FILIP1L: variants seen among roughly 807,000 people sequenced by gnomAD.
FILIP1L encodes the protein filamin A interacting protein 1 like.
In FILIP1L, 55 loss-of-function variants were observed where a neutral mutation model predicts 96.6. That is an observed-to-expected ratio of 0.57 (90% confidence interval 0.46 to 0.71). The LOEUF is 0.71. FILIP1L is among the 30% of genes least tolerant of loss of function. The pLI is 0.00. For missense variants in FILIP1L, 1,304 were observed against 1,321.2 expected (o/e 0.99, Z 0.20); for synonymous variants, 467 against 473.9 (o/e 0.99, Z 0.19).
At chr3:100,020,030 C>G (rs2064780138) in intron 1 of FILIP1L, among the ~76,000 whole-genome samples, 1 of 152,130 alleles carries the variant, frequency 6.6e-6, no homozygotes, top group African/African-American at 2.4e-5. Flanking sequence ...AGTAATTACC[C>G]TGGGTAGTAG....
intron 1 of FILIP1L, among the ~76,000 whole-genome samples, chr3:100,087,357 A>G (rs893796088): frequency 6.6e-6 from 1 of 152,202 alleles, no homozygotes; most frequent in Non-Finnish European, 1.5e-5. Context: ...CCTCACCAGC[A>G]ATTGGTATTG....
At chr3:100,091,459 G>A (rs2066108314) in intron 1 of FILIP1L, among the ~76,000 whole-genome samples, 2 of 152,186 alleles carry the variant, frequency 1.3e-5, no homozygotes, top group Admixed American at 1.3e-4. Context: ...TAAGAAATTA[G>A]GTAACAAGAG....
At chr3:99,956,548 C>T (rs925252383) in intron 1 of FILIP1L, among the ~76,000 whole-genome samples, 1 of 152,140 alleles carries the variant, frequency 6.6e-6, no homozygotes, top group Admixed American at 6.6e-5. Context: ...GGTTTCACCA[C>T]GTTGGCCAGG....
At chr3:99,898,503 A>C (rs1412605718) in intron 4 of FILIP1L, 1 of 152,374 alleles carries the variant, frequency 6.6e-6, no homozygotes, top group African/African-American at 2.4e-5. Flanking sequence ...GCGTTGGCTC[A>C]TGCCTGTTAT....
chr3:100,109,903 A>ACCGCCCCC (rs1491348077), intron 1 of FILIP1L: 1 of 72,322 alleles, frequency 1.4e-5, no homozygotes, highest in African/African-American at 5.7e-5. Flanking sequence ...TTCTTTTATG[A>ACCGCCCCC]CCCCCCCCCC....
intron 1 of FILIP1L, among the ~76,000 whole-genome samples, chr3:99,991,149 C>T (rs1443082366): frequency 6.6e-6 from 1 of 152,120 alleles, no homozygotes; most frequent in African/African-American, 2.4e-5. Context: ...GAAATATGCC[C>T]ATTCTCATTC....
chr3:100,104,167 C>T (rs1270171192), intron 1 of FILIP1L, among the ~76,000 whole-genome samples: 1 of 152,152 alleles, frequency 6.6e-6, no homozygotes, highest in African/African-American at 2.4e-5. Flanking sequence ...CTCTCACCCC[C>T]ACCCCCATTG....
intron 4 of FILIP1L, among the ~76,000 whole-genome samples, chr3:99,875,782 A>G (rs1366175401): frequency 1.3e-5 from 2 of 152,340 alleles, no homozygotes; most frequent in East Asian, 3.9e-4. Flanking sequence ...CAATATGGGC[A>G]GGATTCAATG....
chr3:100,095,844 C>T (rs374017558), intron 1 of FILIP1L, among the ~76,000 whole-genome samples: 1 of 152,020 alleles, frequency 6.6e-6, no homozygotes. Context: ...ACCCACAGAA[C>T]GGGAGAAAAT....
At chr3:100,095,430 A>T (rs1450277167) in intron 1 of FILIP1L, among the ~76,000 whole-genome samples, 3 of 152,196 alleles carry the variant, frequency 2.0e-5, no homozygotes, top group Non-Finnish European at 4.4e-5. Context: ...AAAACTATTT[A>T]AAAAACAATT....
At chr3:99,887,481 C>G (rs17397949) in intron 4 of FILIP1L, among the ~76,000 whole-genome samples, 4 of 152,098 alleles carry the variant, frequency 2.6e-5, no homozygotes, top group Admixed American at 2.6e-4. Flanking sequence ...ACAGCCATGA[C>G]TGAGAGGTCA....
At chr3:100,066,127 C>T (rs975600104) in intron 1 of FILIP1L, among the ~76,000 whole-genome samples, 5 of 152,146 alleles carry the variant, frequency 3.3e-5, no homozygotes, top group African/African-American at 9.7e-5. Context: ...TTTCCCTTGC[C>T]CACCTGTCAG....
At chr3:100,012,764 T>C (rs1205174428) in intron 1 of FILIP1L, among the ~76,000 whole-genome samples, 1 of 145,472 alleles carries the variant, frequency 6.9e-6, no homozygotes, top group African/African-American at 2.5e-5. Context: ...GCATATTCTT[T>C]TTTTTTTTTT....
intron 1 of FILIP1L, among the ~76,000 whole-genome samples, chr3:100,078,246 G>A (rs550687036): frequency 2.6e-5 from 4 of 152,254 alleles, no homozygotes; most frequent in African/African-American, 9.6e-5. Flanking sequence ...GAAAGTAACA[G>A]TAGTTATTGA....
rs114774265 is a variant in FILIP1L at position 99,961,949 on chromosome 3, C to T, written c.-10-30919G>A. ...TGTGATTCCTGCCCTTCAGGAACTT[C>T]TGATCTATTAATAGCAGAGTGGCAA... On this transcript the variant is annotated intron_variant, in intron 1 of 5. Transcript: ENST00000477258. Among the ~76,000 whole-genome samples, 1,209 of 152,310 alleles carry T rather than the reference C, an allele frequency of 7.9e-3. 10 individuals are homozygous for T. The highest frequency in any genetic ancestry group is 0.014 in the Non-Finnish European group (927 of 68,028).
chr3:100,048,771 A>G (rs1462470294), intron 1 of FILIP1L, among the ~76,000 whole-genome samples: 1 of 152,176 alleles, frequency 6.6e-6, no homozygotes, highest in East Asian at 1.9e-4. Context: ...AGATTTTCCT[A>G]ACTAGCCCTA....
Position 99,924,344 on chromosome 3 carries a change from G to T in FILIP1L, c.491C>A (p.Ala164Glu), listed in dbSNP as rs1707220367. Residue 164 changes from alanine (A) to glutamate (E), a missense_variant, in exon 4 of 6, where the codon GCA (alanine) becomes GAA (glutamate). By Grantham distance (107) the Ala-to-Glu change is moderately radical. Coordinates refer to ENST00000477258, the MANE Select transcript of FILIP1L (RefSeq NM_001387850.1). Reference sequence around the variant, plus strand: ...TATGGTTTGCCTACGGGATTTTTCTGCCACTAAAAGCTGTCCCAGGATTCG... The same window carrying T: ...TATGGTTTGCCTACGGGATTTTTCTTCCACTAAAAGCTGTCCCAGGATTCG... ...YRRILGQLLV[A>E]EKSRRQTILE... 6.2e-7 allele frequency: 1 copy of T among 1,613,918 alleles called. No homozygotes were observed. The highest frequency in any genetic ancestry group is 2.2e-5 in the East Asian group (1 of 44,878).
chr3:99,987,921 T>G (rs917921087), intron 1 of FILIP1L, among the ~76,000 whole-genome samples: 16 of 152,218 alleles, frequency 1.1e-4, no homozygotes, highest in African/African-American at 3.9e-4. Context: ...TCTCATCCTG[T>G]TGGATTCTTG....
rs555819875 is a variant in FILIP1L, at chr3:100,074,675, A to ATTTTTTTTTTTTTTTTTTTTTTTT, written c.-11+39354_-11+39377dup. Among the ~76,000 whole-genome samples, 31 of 34,802 alleles carry ATTTTTTTTTTTTTTTTTTTTTTTT rather than the reference A, an allele frequency of 8.9e-4. 12 individuals are homozygous for ATTTTTTTTTTTTTTTTTTTTTTTT. The highest frequency in any genetic ancestry group is 4.2e-3 in the East Asian group (4 of 942). The allele number at this position is 34,802 out of a possible 152,430, so 22.8% of individuals were successfully genotyped here. ...ATTTTCTATGCATGTGCAACATTTG[A>ATTTTTTTTTTTTTTTTTTTTTTTT]TTTTTTTTTTTTTTTTTTTTTTTTT... is the stretch of plus-strand genomic sequence containing the variant. On this transcript the variant is annotated intron_variant, in intron 1 of 5. Coordinates refer to ENST00000477258, the MANE Select transcript of FILIP1L (RefSeq NM_001387850.1).
Sources: gnomAD v4.1 joint callset for allele counts (sites outside exome capture counted in the v4.1 genomes callset) on GRCh38, gnomAD v4.1.1 for gene constraint, MANE v1.5 for transcripts, NCBI Gene and HGNC (gene_info 2026-07-23, HGNC 2026-07-21) for gene names.